VPS13A: variants seen among roughly 807,000 people sequenced by gnomAD.
VPS13A encodes the protein vacuolar protein sorting 13 homolog A.
Under a neutral mutation model 390.9 loss-of-function variants are expected in VPS13A, and 264 were observed. The ratio of observed to expected loss-of-function variants is 0.68; its 90% CI spans 0.61 to 0.75. VPS13A has a LOEUF of 0.75. VPS13A is among the 30% of genes least tolerant of loss of function. The probability of loss-of-function intolerance (pLI) is 0.00; values close to 1 mark genes in which losing one functional copy is unlikely to be tolerated. For synonymous variants in VPS13A, 1,231 were observed against 1,227.1 expected, an observed-to-expected ratio of 1.00 and a Z score of -0.07; for missense variants, 3,409 against 3,733.9, an observed-to-expected ratio of 0.91 and a Z score of 2.27.
intron 67 of VPS13A, among the ~76,000 whole-genome samples, chr9:77,375,975 A>G (rs1833044969): frequency 1.3e-5 from 2 of 152,230 alleles, no homozygotes; most frequent in African/African-American, 2.4e-5. Context: ...GAAGAAAAAT[A>G]AAGCAGATTA....
intron 45 of VPS13A, among the ~76,000 whole-genome samples, chr9:77,331,524 C>T (rs1830273477): frequency 1.3e-5 from 2 of 151,872 alleles, no homozygotes; most frequent in Admixed American, 6.6e-5. Context: ...ATCATGTTTA[C>T]ATTCTGTTCC....
intron 69 of VPS13A, among the ~76,000 whole-genome samples, chr9:77,404,199 G>A (rs939665611): frequency 3.9e-5 from 6 of 152,104 alleles, no homozygotes; most frequent in Non-Finnish European, 7.3e-5. Flanking sequence ...CCTTCCAAGA[G>A]GCAGCCCATT....
Position 77,368,050 on chromosome 9 carries a change from T to C in VPS13A, c.8472-5T>C. ...ACAGACAATATATTTTTACGCTTTT[T>C]TCAGGCTTGCATTTTTTGAACTCAA... is the stretch of plus-strand genomic sequence containing the variant. On this transcript the variant is annotated splice_region_variant and splice_polypyrimidine_tract_variant and intron_variant, in intron 61 of 71. Coordinates refer to ENST00000360280, the MANE Select transcript of VPS13A (RefSeq NM_033305.3). 1.9e-6 allele frequency: 3 copies of C among 1,610,200 alleles called. No individual in the cohort carries two copies. The highest frequency in any genetic ancestry group is 2.5e-6 in the Non-Finnish European group (3 of 1,178,386).
chr9:77,317,860 C>G (rs1164637835), intron 40 of VPS13A, among the ~76,000 whole-genome samples, 162 bp downstream of exon 40: 2 of 151,778 alleles, frequency 1.3e-5, no homozygotes, highest in African/African-American at 4.8e-5. Flanking sequence ...TTATTTAATA[C>G]ACATTTTATG....
At chr9:77,394,068 C>CT (rs973716427) in intron 68 of VPS13A, among the ~76,000 whole-genome samples, 6 of 151,620 alleles carry the variant, frequency 4.0e-5, no homozygotes, top group Admixed American at 2.0e-4. Flanking sequence ...ACACCCGGCA[C>CT]TTTTTTTTCT....
At chr9:77,181,845 C>T (rs773345257) in intron 1 of VPS13A, among the ~76,000 whole-genome samples, 1 of 152,128 alleles carries the variant, frequency 6.6e-6, no homozygotes, top group Non-Finnish European at 1.5e-5. Context: ...CAGAAGAGTG[C>T]TACTGTACTG....
At chr9:77,336,701 G>A (rs1830554068) in intron 46 of VPS13A, among the ~76,000 whole-genome samples, 1 of 114,296 alleles carries the variant, frequency 8.7e-6, no homozygotes, top group Non-Finnish European at 2.2e-5. Flanking sequence ...ATTTATAAGT[G>A]TACTTTTAAG....
chr9:77,295,973 C>T (rs1050205062), intron 33 of VPS13A, 127 bp downstream of exon 33: 36 of 993,978 alleles, frequency 3.6e-5, no homozygotes, highest in African/African-American at 4.9e-5. Context: ...CTTAGTGATT[C>T]TCTCTTCCTT....
intron 67 of VPS13A, among the ~76,000 whole-genome samples, chr9:77,378,281 TCTTA>T (rs1272308344): frequency 6.6e-6 from 1 of 152,136 alleles, no homozygotes; most frequent in Non-Finnish European, 1.5e-5. Context: ...ACCGTCTGAT[TCTTA>T]CTTTTATTTC....
In VPS13A at chr9:77,371,098, C is replaced by T. The variant is rs1403003068; in HGVS notation, c.9026C>T (p.Pro3009Leu). ...GGTTTAGTAGGAGCGGTAGCAAGGC[C>T]AACTGGAGGCATCATAGACATGGCT... ...GKGLVGAVAR[P>L]TGGIIDMASS... is the part of the protein sequence containing the mutation. Residue 3009 changes from proline to leucine, a missense_variant, in exon 67 of 72, where the codon CCA becomes CTA. Transcript: ENST00000360280. 1 of 1,614,060 alleles carries T rather than the reference C, an allele frequency of 6.2e-7. No individual in the cohort carries two copies. Among genetic ancestry groups the T allele is most frequent in the Non-Finnish European group, 8.5e-7 (1 of 1,179,976 alleles).
intron 68 of VPS13A, among the ~76,000 whole-genome samples, chr9:77,399,203 A>AAAAC (rs1834268360): frequency 2.1e-5 from 2 of 94,328 alleles, no homozygotes; most frequent in African/African-American, 7.9e-5. Flanking sequence ...AAAAAAAAAA[A>AAAAC]AACAAAGGAT....
intron 31 of VPS13A, 90 bp from the exon 32 acceptor site, chr9:77,293,251 A>G (rs1827778211): frequency 1.7e-6 from 2 of 1,182,662 alleles, no homozygotes; most frequent in East Asian, 5.0e-5. Flanking sequence ...TTTTCTAACT[A>G]TGTTTTGTTA....
intron 1 of VPS13A, among the ~76,000 whole-genome samples, chr9:77,190,654 G>C (rs1315625324): frequency 6.6e-6 from 1 of 152,156 alleles, no homozygotes. Flanking sequence ...AATAGGATTG[G>C]TACCAGCTCT....
At chr9:77,366,255 A>T (rs900050986) in intron 60 of VPS13A, among the ~76,000 whole-genome samples, 1 of 152,028 alleles carries the variant, frequency 6.6e-6, no homozygotes, top group Non-Finnish European at 1.5e-5. Context: ...ATCTAACACA[A>T]TGCCTATTTT....
chr9:77,278,819 T>C (rs1826845498), intron 26 of VPS13A, among the ~76,000 whole-genome samples: 1 of 152,224 alleles, frequency 6.6e-6, no homozygotes, highest in South Asian at 2.1e-4. Context: ...TCTTCTACAC[T>C]GGTTTTCTTA....
chr9:77,269,323 A>G (rs576494077), intron 23 of VPS13A, among the ~76,000 whole-genome samples: 1 of 152,138 alleles, frequency 6.6e-6, no homozygotes, highest in Non-Finnish European at 1.5e-5. Context: ...TAAAAAGACT[A>G]TTCTTTTACT....
At chr9:77,281,977 T>C in intron 28 of VPS13A, 51 bp downstream of exon 28, 1 of 1,376,044 alleles carries the variant, frequency 7.3e-7, no homozygotes, top group Non-Finnish European at 1.0e-6. Context: ...TTATGGAAAT[T>C]ATTTTCTAAC....
At chr9:77,406,103 T>TG (rs1395792356) in intron 70 of VPS13A, 116 bp downstream of exon 70, 1 of 1,405,468 alleles carries the variant, frequency 7.1e-7, no homozygotes, top group Non-Finnish European at 9.9e-7. Context: ...TGTCCTGGTG[T>TG]GGTTTTCCCT....
At position 77,179,677 on chromosome 9, in the gene VPS13A, T is replaced by A. The variant is rs914616041; in HGVS notation, c.100+1873T>A. Among the ~76,000 whole-genome samples, 17 of 151,228 alleles carry A rather than the reference T, an allele frequency of 1.1e-4. No homozygotes were observed. In the East Asian group the frequency reaches 1.9e-3, roughly 17 times the overall value. ...TAAATACCTAAGAGTGGTTTTAAAT[T>A]GGGTTGTACGTTTTTTTTTTTTTTT... On this transcript the variant is annotated intron_variant, in intron 1 of 71. Coordinates refer to ENST00000360280, the MANE Select transcript of VPS13A (RefSeq NM_033305.3).
Sources: allele counts gnomAD v4.1 joint callset (sites outside exome capture counted in the v4.1 genomes callset), GRCh38; gene constraint gnomAD v4.1.1; transcripts MANE v1.5; gene names NCBI Gene and HGNC (gene_info 2026-07-23, HGNC 2026-07-21).